ZC3H7A: variants seen among roughly 807,000 people sequenced by gnomAD.
The protein encoded by ZC3H7A is zinc finger CCCH-type containing 7A.
ZC3H7A carries 44 observed loss-of-function variants against 125.5 expected under a neutral mutation model. The ratio of observed to expected loss-of-function variants is 0.35; its 90% CI spans 0.28 to 0.45. The LOEUF (loss-of-function observed/expected upper bound fraction) is 0.45. ZC3H7A is among the 20% of genes least tolerant of loss of function. The probability of loss-of-function intolerance (pLI) is 1.00; values close to 1 mark genes in which losing one functional copy is unlikely to be tolerated. For synonymous variants in ZC3H7A, 399 were observed against 391.2 expected, an observed-to-expected ratio of 1.02 and a Z score of -0.23; for missense variants, 977 against 1,170.7, an observed-to-expected ratio of 0.83 and a Z score of 2.41.
intron 1 of ZC3H7A, among the ~76,000 whole-genome samples, chr16:11,786,607 A>T (rs2053260702): frequency 6.6e-6 from 1 of 152,246 alleles, no homozygotes; most frequent in South Asian, 2.1e-4. Context: ...GAAAATGGAT[A>T]CAGACGTTTT....
At chr16:11,785,596 A>G (rs1247226704) in intron 1 of ZC3H7A, among the ~76,000 whole-genome samples, 1 of 151,658 alleles carries the variant, frequency 6.6e-6, no homozygotes, top group Non-Finnish European at 1.5e-5. Flanking sequence ...AAGATGAGGC[A>G]TTTAAGTATC....
Position 11,774,364 on chromosome 16 carries a change from C to G in ZC3H7A, c.775G>C (p.Val259Leu), listed in dbSNP as rs760553503. ...GGCATCTTTCCTCCATTTGCCAGCA[C>G]TGCAGATGGCAGAGCGCTCTCTTCC... ...QVEESALPSA[V>L]LANGGKMPFT... The change falls in exon 9 of 23, where the codon GTG becomes CTG. Residue 259 changes from valine to leucine, a missense_variant. Val to Leu is a conservative substitution (Grantham distance 32). Transcript: ENST00000355758. 6.2e-7 allele frequency: 1 copy of G among 1,614,074 alleles called. No individual in the cohort carries two copies.
At chr16:11,791,156 G>A (rs962227879) in intron 1 of ZC3H7A, among the ~76,000 whole-genome samples, 4 of 148,838 alleles carry the variant, frequency 2.7e-5, no homozygotes, top group African/African-American at 7.5e-5. Flanking sequence ...CTCTGCTTAA[G>A]ACCCTTCAGC....
At chr16:11,793,739 C>G (rs1287091078) in intron 1 of ZC3H7A, among the ~76,000 whole-genome samples, 1 of 152,174 alleles carries the variant, frequency 6.6e-6, no homozygotes, top group Admixed American at 6.5e-5. Flanking sequence ...CAAGGCAAGC[C>G]TCAGAAGGCT....
chr16:11,752,718 A>G lies in ZC3H7A; in HGVS notation c.2677T>C (p.Tyr893His). The part of the protein sequence containing the change: ...EKVFHTEDDQ[Y>H]CWQHRFPTGY... ...GTTGGGAAGCGGTGCTGCCAGCAGT[A>G]CTGGTCGTCCTCGGTGTGGAAAACC... Residue 893 changes from tyrosine to histidine, a missense_variant, in exon 22 of 23, where the codon TAC becomes CAC. Physicochemically the swap from Tyr to His is moderately conservative, Grantham distance 83. Transcript: ENST00000355758. 6.2e-7 allele frequency: 1 copy of G among 1,614,210 alleles called. No individual in the cohort carries two copies. The highest frequency in any genetic ancestry group is 2.2e-5 in the East Asian group (1 of 44,892).
rs751247526 is a variant in ZC3H7A at position 11,765,731 on chromosome 16, C to G, written c.1523-46G>C. 6.4e-7 allele frequency: 1 copy of G among 1,564,692 alleles called. No homozygotes were observed. The highest frequency in any genetic ancestry group is 8.7e-7 in the Non-Finnish European group (1 of 1,150,454). On this transcript the variant is annotated intron_variant, in intron 13 of 22. Coordinates refer to ENST00000355758, the MANE Select transcript of ZC3H7A (RefSeq NM_014153.4). This position sits in a 1 kb window ranked among gnomAD's most constrained non-coding sequence, Gnocchi z 4.8. The stretch of plus-strand genomic sequence containing the variant: ...CAGACATTGAAAACATGGCAATTGG[C>G]CTGTACTCCCAGCTACTTGGGAGGC...
Position 11,761,976 on chromosome 16 carries a change from A to G in ZC3H7A, c.2147T>C (p.Leu716Pro). ...TGGTTCAATGACTTGACCGTTTCTCAGACACTGGGCGCACACAAACTTTAT... is the reference window on the plus strand; with the variant it reads ...TGGTTCAATGACTTGACCGTTTCTCGGACACTGGGCGCACACAAACTTTAT... ...MKIKFVCAQCLRNGQVIEPDK... is the reference protein window; with the variant it reads ...MKIKFVCAQCPRNGQVIEPDK... The change falls in exon 18 of 23, where the codon CTG (leucine) becomes CCG (proline). Residue 716 changes from leucine (L) to proline (P), a missense_variant. By Grantham distance (98) the Leu-to-Pro change is moderately conservative. This residue lies in a region of ZC3H7A where 436 missense variants were observed against 603.2 expected (regional missense o/e 0.72). Transcript: ENST00000355758. 6.2e-7 allele frequency: 1 copy of G among 1,613,662 alleles called. No individual in the cohort carries two copies.
chr16:11,779,438 C>T, intron 3 of ZC3H7A, 75 bp from the exon 4 acceptor site: 1 of 1,307,208 alleles, frequency 7.6e-7, no homozygotes, highest in Non-Finnish European at 1.1e-6. Context: ...AATTTTTATA[C>T]CTAAAACTTC....
intron 1 of ZC3H7A, among the ~76,000 whole-genome samples, chr16:11,784,406 G>A (rs181777569): frequency 6.4e-4 from 98 of 152,098 alleles, no homozygotes; most frequent in Non-Finnish European, 1.3e-3. Context: ...AGCACTATTT[G>A]TAAAAGAAAA....
At chr16:11,789,912 C>A (rs1419000969) in intron 1 of ZC3H7A, among the ~76,000 whole-genome samples, 1 of 151,758 alleles carries the variant, frequency 6.6e-6, no homozygotes, top group South Asian at 2.1e-4. Context: ...GAAACCCCAT[C>A]TCTACTAAAA....
chr16:11,774,888 C>G, intron 8 of ZC3H7A, 92 bp downstream of exon 8: 2 of 1,381,144 alleles, frequency 1.4e-6, no homozygotes, highest in Non-Finnish European at 1.0e-6. Flanking sequence ...TATAACCACA[C>G]AGCGATATTA....
chr16:11,770,741 A>G (rs757318465), intron 10 of ZC3H7A, 42 bp downstream of exon 10: 1 of 1,542,908 alleles, frequency 6.5e-7, no homozygotes, highest in Admixed American at 1.8e-5. Flanking sequence ...TCATTTTGAG[A>G]AAATCAACTG....
intron 1 of ZC3H7A, among the ~76,000 whole-genome samples, chr16:11,785,085 G>A (rs2053236347): frequency 6.6e-6 from 1 of 152,104 alleles, no homozygotes; most frequent in African/African-American, 2.4e-5. Context: ...TTCAACCCGG[G>A]AGGCGGAGGT....
chr16:11,773,459 G>C (rs1055336650), intron 9 of ZC3H7A, among the ~76,000 whole-genome samples: 8 of 151,830 alleles, frequency 5.3e-5, no homozygotes, highest in Admixed American at 1.3e-4. Flanking sequence ...AACCATTTAA[G>C]AATTGTAAAA....
intron 1 of ZC3H7A, among the ~76,000 whole-genome samples, chr16:11,788,513 A>G (rs16958665): frequency 0.082 from 12,388 of 151,280 alleles, 615 homozygotes; most frequent in African/African-American, 0.13. Context: ...TCACTTAGCC[A>G]CCCATTTGCC....
chr16:11,771,105 AAGTTT>A (rs2052972790), intron 9 of ZC3H7A, 118 bp from the exon 10 acceptor site: 1 of 1,044,716 alleles, frequency 9.6e-7, no homozygotes, highest in Non-Finnish European at 1.4e-6. Flanking sequence ...TTACATAACA[AAGTTT>A]AGGCCAGGCA....
intron 4 of ZC3H7A, among the ~76,000 whole-genome samples, chr16:11,778,309 C>T (rs1425119636): frequency 2.0e-5 from 3 of 151,502 alleles, no homozygotes; most frequent in South Asian, 2.1e-4. Flanking sequence ...CGGCGGCATG[C>T]GCCTGTAGTC....
At chr16:11,778,570 C>G (rs902576876) in intron 4 of ZC3H7A, among the ~76,000 whole-genome samples, 1 of 152,126 alleles carries the variant, frequency 6.6e-6, no homozygotes, top group South Asian at 2.1e-4. Context: ...CTGTGAAGAC[C>G]TGTATCTTCC....
chr16:11,753,135 T>A (rs1370465854), intron 21 of ZC3H7A: 1 of 296,502 alleles, frequency 3.4e-6, no homozygotes, highest in Non-Finnish European at 6.3e-6. Flanking sequence ...AGGGAAGAAC[T>A]AACACCATGA....
Sources: gnomAD v4.1 joint callset for allele counts (sites outside exome capture counted in the v4.1 genomes callset) on GRCh38, gnomAD v4.1.1 for gene constraint, gnomAD v4.1.1 regional missense constraint, Gnocchi (gnomAD v3.1) non-coding constraint, MANE v1.5 for transcripts, NCBI Gene and HGNC (gene_info 2026-07-23, HGNC 2026-07-21) for gene names.